PDE1C: variants seen among roughly 807,000 people sequenced by gnomAD.
PDE1C encodes the protein phosphodiesterase 1C.
A neutral mutation model predicts 93.1 loss-of-function variants in PDE1C; 62 were observed. That is an observed-to-expected ratio of 0.67 (90% CI 0.54 to 0.82). The LOEUF (loss-of-function observed/expected upper bound fraction) is 0.82. Among genes scored for constraint, PDE1C ranks in the 40% least tolerant of loss-of-function variants. PDE1C has a pLI of 0.00. For missense variants in PDE1C, 742 were observed against 884.6 expected (o/e 0.84, Z 2.04); for synonymous variants, 325 against 310.1 (o/e 1.05, Z -0.50).
chr7:32,045,257 C>T (rs1461665376), intron 2 of PDE1C, among the ~76,000 whole-genome samples: 1 of 151,970 alleles, frequency 6.6e-6, no homozygotes, highest in Non-Finnish European at 1.5e-5. Flanking sequence ...CCCTTTCTCA[C>T]ATTAACTGCC....
intron 1 of PDE1C, among the ~76,000 whole-genome samples, chr7:32,257,753 A>C (rs934264685): frequency 6.6e-6 from 1 of 152,212 alleles, no homozygotes; most frequent in Admixed American, 6.5e-5. Context: ...TAGTGAGGCT[A>C]AACACCAGAA....
intron 2 of PDE1C, among the ~76,000 whole-genome samples, chr7:31,894,607 C>T (rs1446293163): frequency 6.6e-6 from 1 of 152,198 alleles, no homozygotes; most frequent in Non-Finnish European, 1.5e-5. Context: ...TCAGCCCCCA[C>T]ATTCACATAT....
chr7:31,635,878 C>T, the PDE1C span, among the ~76,000 whole-genome samples: 1 of 152,076 alleles, frequency 6.6e-6, no homozygotes, highest in East Asian at 1.9e-4. Context: ...CACCATGGCA[C>T]AAGTTTACCT....
intron 1 of PDE1C, among the ~76,000 whole-genome samples, chr7:32,311,907 C>A (rs1322860390): frequency 6.6e-6 from 1 of 151,802 alleles, no homozygotes; most frequent in Non-Finnish European, 1.5e-5. Flanking sequence ...CTGGCCAGGG[C>A]AATTAGGCAG....
At chr7:31,810,352 G>A (rs149368840) in intron 15 of PDE1C, among the ~76,000 whole-genome samples, 24 of 152,180 alleles carry the variant, frequency 1.6e-4, no homozygotes, top group African/African-American at 5.1e-4. Context: ...GGAGTGAGCT[G>A]GGCCTCCAGG....
chr7:31,939,457 G>A (rs1015034476), intron 2 of PDE1C, among the ~76,000 whole-genome samples: 11 of 152,114 alleles, frequency 7.2e-5, no homozygotes, highest in Non-Finnish European at 1.5e-5. Context: ...TTTGGTTGAA[G>A]TCTGGGAGGG....
chr7:31,768,272 G>A (rs1640943616), intron 17 of PDE1C, among the ~76,000 whole-genome samples: 1 of 152,142 alleles, frequency 6.6e-6, no homozygotes, highest in African/African-American at 2.4e-5. Flanking sequence ...TAAATGCTAA[G>A]AAGGCCAGTG....
In PDE1C at chr7:31,815,979, G is replaced by T. The variant is rs749290087; in HGVS notation, c.1758C>A (p.Asn586Lys). The change falls in exon 15 of 18, where the codon AAC becomes AAA. Residue 586 changes from asparagine to lysine, a missense_variant. Around this residue, in one of 4 missense-constraint regions of PDE1C, gnomAD observed 454 missense variants for 459.4 expected, o/e 0.99. Transcript: ENST00000396191. ...VNGTRANKSD[N>K]PRGKNSKAEK... ...CGGCTTTGGAGTTTTTCCCACGAGG[G>T]TTGTCACTTTTGTTTGCCCGTGTTC... The T allele has an allele frequency of 7.4e-6, 12 of 1,613,802 alleles. No homozygotes were observed. The highest frequency in any genetic ancestry group is 1.3e-5 in the African/African-American group (1 of 74,892).
the PDE1C span, chr7:31,652,573 A>G: frequency 6.2e-7 from 1 of 1,611,440 alleles, no homozygotes; most frequent in South Asian, 1.1e-5. Flanking sequence ...CTGCATCAAT[A>G]TAACTGGATA....
intron 2 of PDE1C, among the ~76,000 whole-genome samples, chr7:31,929,376 C>G (rs559354302): frequency 6.6e-6 from 1 of 152,082 alleles, no homozygotes; most frequent in East Asian, 1.9e-4. Context: ...TCAGACAGAT[C>G]GATGAGACAG....
intron 1 of PDE1C, among the ~76,000 whole-genome samples, chr7:32,405,317 T>C (rs969541691): frequency 2.0e-5 from 3 of 151,718 alleles, no homozygotes; most frequent in African/African-American, 7.3e-5. Flanking sequence ...AATGGCACAA[T>C]CTTGGTTTAC....
chr7:32,222,690 T>C (rs1422206536), intron 1 of PDE1C, among the ~76,000 whole-genome samples: 3 of 152,118 alleles, frequency 2.0e-5, no homozygotes, highest in Admixed American at 6.5e-5. Flanking sequence ...TTCTCCAGGG[T>C]CGCATGAATG....
chr7:32,056,320 T>TTCTCTC (rs10648394), intron 1 of PDE1C, among the ~76,000 whole-genome samples: 3,998 of 110,988 alleles, frequency 0.036, 83 homozygotes, highest in African/African-American at 0.042. Context: ...GGGTCCACCG[T>TTCTCTC]TCTCTCTCTC....
chr7:31,885,982 C>A (rs751763345), intron 2 of PDE1C, among the ~76,000 whole-genome samples: 80 of 152,208 alleles, frequency 5.3e-4, no homozygotes, highest in Non-Finnish European at 9.1e-4. Context: ...CTATTCTGCC[C>A]AAGGTTATTC....
chr7:32,013,403 G>T (rs1205406911), intron 2 of PDE1C, among the ~76,000 whole-genome samples: 1 of 152,178 alleles, frequency 6.6e-6, no homozygotes, highest in African/African-American at 2.4e-5. Context: ...AGGTACACTT[G>T]CCAGCAGTTT....
chr7:31,896,020 T>TACATACATACATACATACAC (rs1466998669), intron 2 of PDE1C, among the ~76,000 whole-genome samples: 2,618 of 151,290 alleles, frequency 0.017, 82 homozygotes, highest in African/African-American at 0.059. Flanking sequence ...CATACATACA[T>TACATACATACATACATACAC]ACACACACAA....
Position 31,948,159 on chromosome 7 carries a change from T to C in PDE1C, c.129-67299A>G, listed in dbSNP as rs544033057. On this transcript the variant is annotated intron_variant, in intron 2 of 17. Coordinates refer to ENST00000396191, the MANE Select transcript of PDE1C (RefSeq NM_001191057.4). ...GCAACTCTGCTCACCAAGCAACAAC[T>C]TGACATCTTTTCAAACACTCACATT... Among the ~76,000 whole-genome samples, 5 of 151,528 alleles carry C rather than the reference T, an allele frequency of 3.3e-5. No individual in the cohort carries two copies. In the South Asian group the frequency reaches 6.4e-4, roughly 19 times the overall value.
upstream of PDE1C, among the ~76,000 whole-genome samples, chr7:32,072,575 A>AC (rs1253001883): frequency 1.3e-5 from 2 of 152,232 alleles, no homozygotes; most frequent in Non-Finnish European, 2.9e-5. Context: ...TAGTGTGTGC[A>AC]CCTTGGGCAG....
chr7:32,273,439 G>A (rs1053554164), intron 1 of PDE1C, among the ~76,000 whole-genome samples: 1 of 152,140 alleles, frequency 6.6e-6, no homozygotes, highest in African/African-American at 2.4e-5. Context: ...AGTATGGCTG[G>A]GCTACCCCAA....
Sources: gnomAD v4.1 joint callset for allele counts (sites outside exome capture counted in the v4.1 genomes callset) on GRCh38, gnomAD v4.1.1 for gene constraint, gnomAD v4.1.1 regional missense constraint, MANE v1.5 for transcripts, NCBI Gene and HGNC (gene_info 2026-07-23, HGNC 2026-07-21) for gene names.